The following KLF8 variants were observed in gnomAD, a reference collection of about 807,000 sequenced individuals.
KLF8 encodes the protein KLF transcription factor 8, also known as Krueppel-like factor 8.
In KLF8, 10 loss-of-function variants were observed where a neutral mutation model predicts 18.2. The ratio of observed to expected loss-of-function variants is 0.55; its 90% CI spans 0.34 to 0.93. The LOEUF is 0.93. Among genes scored for constraint, KLF8 ranks in the 40% least tolerant of loss-of-function variants. KLF8 has a pLI of 0.02. For missense variants in KLF8, 264 were observed against 277.9 expected, an observed-to-expected ratio of 0.95 and a Z score of 0.36; for synonymous variants, 109 against 97.3, an observed-to-expected ratio of 1.12 and a Z score of -0.71.
the KLF8 span, among the ~76,000 whole-genome samples, chrX:56,010,925 A>G: frequency 8.9e-6 from 1 of 112,586 alleles, no homozygotes; most frequent in Non-Finnish European, 1.9e-5. Context: ...AGAGCTAATT[A>G]TCCTAAATAT....
At chrX:55,938,671 T>C in the KLF8 span, among the ~76,000 whole-genome samples, 10 of 110,560 alleles carry the variant, frequency 9.0e-5, no homozygotes, top group East Asian at 2.5e-3. Context: ...AATAAAGGGA[T>C]GGAGGAAGAT....
chrX:56,143,617 C>T, the KLF8 span, among the ~76,000 whole-genome samples: 1 of 111,895 alleles, frequency 8.9e-6, no homozygotes, highest in Non-Finnish European at 1.9e-5. Flanking sequence ...CATCCCTGAA[C>T]TTAATTCCAT....
chrX:56,175,221 C>G, the KLF8 span, among the ~76,000 whole-genome samples: 4 of 111,870 alleles, frequency 3.6e-5, no homozygotes, highest in Admixed American at 1.9e-4. Context: ...CCTGCTTTCT[C>G]TTGTGGGCAT....
At chrX:56,122,430 A>C in the KLF8 span, among the ~76,000 whole-genome samples, 1 of 111,685 alleles carries the variant, frequency 9.0e-6, no homozygotes, top group African/African-American at 3.3e-5. Context: ...AATATGCAAA[A>C]TATATGATAC....
At chrX:55,945,515 A>G in the KLF8 span, among the ~76,000 whole-genome samples, 9,409 of 110,563 alleles carry the variant, frequency 0.085, 986 homozygotes, top group African/African-American at 0.3. Context: ...ATCTATGACA[A>G]ACCCACAGCC....
chrX:55,956,513 A>C, the KLF8 span, among the ~76,000 whole-genome samples: 1 of 111,779 alleles, frequency 8.9e-6, no homozygotes, highest in South Asian at 3.7e-4. Flanking sequence ...GTTGGTGTAC[A>C]GTCCTACCAG....
the KLF8 span, among the ~76,000 whole-genome samples, chrX:55,951,430 C>A: frequency 9.8e-6 from 1 of 102,435 alleles, no homozygotes; most frequent in Non-Finnish European, 2.0e-5. Flanking sequence ...GAGCTGAGAC[C>A]ATGCCATTGC....
the KLF8 span, among the ~76,000 whole-genome samples, chrX:56,057,529 T>C: frequency 9.0e-6 from 1 of 111,453 alleles, no homozygotes; most frequent in Non-Finnish European, 1.9e-5. Context: ...TGTGTGGCCA[T>C]GGGGGCAGCA....
At chrX:55,995,658 G>A in the KLF8 span, among the ~76,000 whole-genome samples, 1 of 112,008 alleles carries the variant, frequency 8.9e-6, no homozygotes, top group Non-Finnish European at 1.9e-5. Flanking sequence ...GGCAGGATAT[G>A]CAATTCTTAA....
At chrX:56,084,649 G>T in the KLF8 span, among the ~76,000 whole-genome samples, 1 of 111,823 alleles carries the variant, frequency 8.9e-6, no homozygotes, top group Non-Finnish European at 1.9e-5. Flanking sequence ...TCCTCGTAAA[G>T]CTTTCTTTGC....
the KLF8 span, among the ~76,000 whole-genome samples, chrX:56,076,762 G>A: frequency 1.8e-5 from 2 of 111,672 alleles, no homozygotes; most frequent in Non-Finnish European, 3.8e-5. Context: ...CACCAACAGT[G>A]TAAAAGTGTT....
the KLF8 span, among the ~76,000 whole-genome samples, chrX:56,024,802 G>A: frequency 3.6e-5 from 4 of 112,017 alleles, no homozygotes; most frequent in African/African-American, 1.3e-4. Context: ...GCCTGGTTTT[G>A]GGACTGGGTT....
At chrX:56,225,478 G>C in the KLF8 span, among the ~76,000 whole-genome samples, 1 of 111,743 alleles carries the variant, frequency 8.9e-6, no homozygotes, top group Non-Finnish European at 1.9e-5. Context: ...AAATTTATGG[G>C]AGAGGACAGA....
chrX:56,163,357 T>C, the KLF8 span, among the ~76,000 whole-genome samples: 1 of 112,405 alleles, frequency 8.9e-6, no homozygotes, highest in Non-Finnish European at 1.9e-5. Context: ...GATGTTGAGG[T>C]TTTTTTGATA....
At position 56,290,433 on chromosome X, in the gene KLF8, G is replaced by A. The variant is rs777958640; in HGVS notation, c.*5939G>A. ...AATTTGAGTAAGAAGGATAATTAAAGAGTGGCCACTGGAAGCAATATTATT... is the reference window on the plus strand; with the variant it reads ...AATTTGAGTAAGAAGGATAATTAAAAAGTGGCCACTGGAAGCAATATTATT... On this transcript the variant is annotated 3_prime_UTR_variant, in exon 6 of 6. Coordinates refer to ENST00000468660, the MANE Select transcript of KLF8 (RefSeq NM_007250.5). Among the ~76,000 whole-genome samples, 1 of 111,762 alleles carries A rather than the reference G, an allele frequency of 8.9e-6. No homozygotes were observed. Among genetic ancestry groups the A allele is most frequent in the East Asian group, 2.8e-4 (1 of 3,532 alleles).
the KLF8 span, among the ~76,000 whole-genome samples, chrX:56,055,752 T>C: frequency 1.8e-5 from 2 of 111,751 alleles, no homozygotes; most frequent in African/African-American, 6.5e-5. Flanking sequence ...GTCAGAGGTT[T>C]TGTTGATTTT....
At chrX:56,093,238 C>T in the KLF8 span, among the ~76,000 whole-genome samples, 1 of 110,914 alleles carries the variant, frequency 9.0e-6, no homozygotes, top group Non-Finnish European at 1.9e-5. Context: ...AAATCTATAC[C>T]TAGGCATATT....
the KLF8 span, among the ~76,000 whole-genome samples, chrX:56,100,656 A>G: frequency 9.0e-6 from 1 of 111,639 alleles, no homozygotes; most frequent in Non-Finnish European, 1.9e-5. Flanking sequence ...TCCAACCCTC[A>G]TGGGTGACTT....
the KLF8 span, among the ~76,000 whole-genome samples, chrX:56,093,905 ATGTGTGTGTGTGTGTGTGTG>A: frequency 1.1e-5 from 1 of 89,003 alleles, no homozygotes; most frequent in Non-Finnish European, 2.2e-5. Flanking sequence ...TATATATTAT[ATGTGTGTGTGTGTGTGTGTG>A]TGTGTGTGTG....
Sources: gnomAD v4.1 joint callset for allele counts (sites outside exome capture counted in the v4.1 genomes callset) on GRCh38, gnomAD v4.1.1 for gene constraint, MANE v1.5 for transcripts, NCBI Gene and HGNC (gene_info 2026-07-23, HGNC 2026-07-21) for gene names.